Variants in PADI6 observed in about 807,000 individuals in gnomAD.
PADI6 encodes the protein inactive protein-arginine deiminase type-6.
In PADI6, 66 loss-of-function variants were observed where a neutral mutation model predicts 78.2. The observed-to-expected ratio is 0.84, with a 90% CI of 0.69 to 1.04. PADI6 has a LOEUF of 1.04. PADI6 is among the 50% of genes least tolerant of loss of function. PADI6 has a pLI of 0.00. For missense variants in PADI6, 854 were observed against 866.1 expected, an observed-to-expected ratio of 0.99 and a Z score of 0.18; for synonymous variants, 397 against 346.9, an observed-to-expected ratio of 1.14 and a Z score of -1.60.
intron 6 of PADI6, among the ~76,000 whole-genome samples, chr1:17,382,688 TC>T (rs1219834595): frequency 2.0e-5 from 3 of 152,194 alleles, no homozygotes; most frequent in African/African-American, 7.2e-5. Flanking sequence ...TCTTTTGACT[TC>T]CCTGAACTGG....
At position 17,392,225 on chromosome 1, in the gene PADI6, G is replaced by C; in HGVS notation, c.1074G>C (p.Gln358His). The C allele has an allele frequency of 6.4e-7, 1 of 1,552,248 alleles. No homozygotes were observed. The highest frequency in any genetic ancestry group is 1.4e-5 in the African/African-American group (1 of 73,258). Reference protein sequence around the residue: ...EDPNRLGRWLQDEMAFCYTQA... With the variant: ...EDPNRLGRWLHDEMAFCYTQA... ...CCAACCGCCTGGGCAGGTGGCTCCA[G>C]GTAACACCCCACCTGGGAACCCACC... The change falls in exon 9 of 16, where the codon CAG (glutamine) becomes CAC (histidine). Residue 358 changes from glutamine to histidine, a missense_variant and splice_region_variant. Physicochemically the swap from Gln to His is conservative, Grantham distance 24 (BLOSUM62 0). Transcript: ENST00000619609.
chr1:17,398,016 G>A (rs374590920), intron 14 of PADI6, among the ~76,000 whole-genome samples: 1 of 152,200 alleles, frequency 6.6e-6, no homozygotes, highest in African/African-American at 2.4e-5. Context: ...AGAGATCTTA[G>A]AAGTGAATCA....
chr1:17,378,599 T>C (rs1344052272), intron 3 of PADI6, among the ~76,000 whole-genome samples: 1 of 152,034 alleles, frequency 6.6e-6, no homozygotes, highest in Non-Finnish European at 1.5e-5. Context: ...CTTAAGTGTG[T>C]TTTTTTGTTT....
chr1:17,397,175 AAG>A lies in PADI6; in HGVS notation c.1689+37_1689+38del, dbSNP rs778799659. ...AGTGTGAAGGGGGCCATCCCCAAGA[AAG>A]AGCTGGTGCCGCAGGTCTTGCAGGA... On this transcript the variant is annotated intron_variant, in intron 14 of 15. Transcript: ENST00000619609. 56 of 1,610,204 alleles carry A rather than the reference AAG, an allele frequency of 3.5e-5. No homozygotes were observed. In the African/African-American group the frequency reaches 6.4e-4, roughly 18 times the overall value.
chr1:17,380,694 C>T (rs1400907409), intron 4 of PADI6, among the ~76,000 whole-genome samples: 1 of 152,120 alleles, frequency 6.6e-6, no homozygotes, highest in Non-Finnish European at 1.5e-5. Flanking sequence ...GAATGTCTGG[C>T]AACTCTAGGC....
At chr1:17,391,457 T>A (rs1456820129) in intron 8 of PADI6, among the ~76,000 whole-genome samples, 6 of 152,160 alleles carry the variant, frequency 3.9e-5, no homozygotes, top group Non-Finnish European at 7.4e-5. Flanking sequence ...CAGTCTTAGG[T>A]GATCCGCCCG....
chr1:17,390,362 G>A (rs1270196801), intron 8 of PADI6, among the ~76,000 whole-genome samples: 1 of 151,782 alleles, frequency 6.6e-6, no homozygotes, highest in Non-Finnish European at 1.5e-5. Flanking sequence ...CACTTTGGGA[G>A]GCTGAGGCGG....
chr1:17,396,085 T>A (rs1285094212), intron 13 of PADI6, among the ~76,000 whole-genome samples: 1 of 152,036 alleles, frequency 6.6e-6, no homozygotes, highest in Non-Finnish European at 1.5e-5. Context: ...GCACTTCTGA[T>A]CTAAAGGCTG....
intron 3 of PADI6, among the ~76,000 whole-genome samples, chr1:17,376,682 G>T (rs962153378): frequency 7.2e-5 from 11 of 151,986 alleles, no homozygotes; most frequent in African/African-American, 2.7e-4. Flanking sequence ...ACAGGCGTGA[G>T]CCACTGTGCT....
At chr1:17,380,969 CTCTG>C (rs2075066865) in intron 4 of PADI6, 74 bp from the exon 5 acceptor site, 2 of 1,249,304 alleles carry the variant, frequency 1.6e-6, no homozygotes, top group East Asian at 5.1e-5. Flanking sequence ...GGCTGGGCCC[CTCTG>C]CTATGAGGTG....
intron 12 of PADI6, 35 bp downstream of exon 12, chr1:17,395,142 C>T (rs779162805): frequency 1.9e-6 from 3 of 1,575,112 alleles, no homozygotes; most frequent in Non-Finnish European, 2.6e-6. Flanking sequence ...GACATCTGAC[C>T]CTTGCCTTCT....
intron 2 of PADI6, among the ~76,000 whole-genome samples, chr1:17,374,413 G>C (rs2074995372): frequency 6.6e-6 from 1 of 152,024 alleles, no homozygotes; most frequent in Admixed American, 6.6e-5. Context: ...ATCACCTGAG[G>C]TCGGGAGTTT....
chr1:17,394,180 G>A (rs2075221536), intron 10 of PADI6, 98 bp downstream of exon 10: 2 of 1,514,684 alleles, frequency 1.3e-6, no homozygotes, highest in African/African-American at 1.6e-5. Flanking sequence ...GAGGGCCCAG[G>A]TGGCCTCTGA....
intron 14 of PADI6, among the ~76,000 whole-genome samples, chr1:17,397,956 G>C (rs1023166968): frequency 2.6e-5 from 4 of 152,168 alleles, no homozygotes; most frequent in African/African-American, 9.7e-5. Flanking sequence ...TCTGGATGAA[G>C]TGGCCCATCA....
intron 2 of PADI6, among the ~76,000 whole-genome samples, chr1:17,374,960 C>T (rs2075001185): frequency 6.6e-6 from 1 of 152,124 alleles, no homozygotes; most frequent in Non-Finnish European, 1.5e-5. Context: ...GCTTCTTCAC[C>T]TGGGTGTCCT....
At chr1:17,384,743 C>A (rs1163796058) in intron 6 of PADI6, among the ~76,000 whole-genome samples, 1 of 152,158 alleles carries the variant, frequency 6.6e-6, no homozygotes, top group Admixed American at 6.5e-5. Context: ...CCAACCCTGG[C>A]AAATGCTGTG....
At chr1:17,400,368 G>A (rs920010224) in intron 15 of PADI6, among the ~76,000 whole-genome samples, 15 of 152,076 alleles carry the variant, frequency 9.9e-5, no homozygotes, top group Non-Finnish European at 8.8e-5. Flanking sequence ...TTAGCCAGGT[G>A]TAGTGGTGCA....
At chr1:17,397,746 G>A (rs1002723523) in intron 14 of PADI6, among the ~76,000 whole-genome samples, 1 of 152,120 alleles carries the variant, frequency 6.6e-6, no homozygotes, top group African/African-American at 2.4e-5. Context: ...GAGGCACACA[G>A]TAAAACCGCT....
intron 5 of PADI6, 119 bp downstream of exon 5, chr1:17,381,283 C>A: frequency 2.5e-6 from 2 of 798,378 alleles, no homozygotes. Flanking sequence ...TCCCCAGTCC[C>A]CATGCCTGGG....
Sources: allele counts gnomAD v4.1 joint callset (sites outside exome capture counted in the v4.1 genomes callset), GRCh38; gene constraint gnomAD v4.1.1; transcripts MANE v1.5; gene names NCBI Gene and HGNC (gene_info 2026-07-23, HGNC 2026-07-21).